Variants in BMPR2 observed in about 807,000 individuals in gnomAD.
BMPR2 encodes the protein bone morphogenetic protein receptor type-2.
Under a neutral mutation model 100.8 loss-of-function variants are expected in BMPR2, and 29 were observed. The ratio of observed to expected loss-of-function variants is 0.29; its 90% CI spans 0.21 to 0.39. The LOEUF is 0.39. Among genes scored for constraint, BMPR2 ranks in the 10% least tolerant of loss-of-function variants. BMPR2 has a pLI of 1.00. For missense variants in BMPR2, 1,011 were observed against 1,274.5 expected, an observed-to-expected ratio of 0.79 and a Z score of 3.15; for synonymous variants, 382 against 442.3, an observed-to-expected ratio of 0.86 and a Z score of 1.71.
chr2:202,377,029 T>G lies in BMPR2; in HGVS notation c.-446T>G. The G allele has an allele frequency of 2.1e-6, 1 of 467,176 alleles. No homozygotes were observed. The highest frequency in any genetic ancestry group is 2.0e-5 in the African/African-American group (1 of 49,938). 28.9% of individuals were successfully genotyped at this position (467,176 alleles called of 1,614,324 possible). ...CGGGCGCCGCCGCCGCCCGTCCGGC[T>G]TCGTCCTTCCCGGCAGTCGGGAACT... On this transcript the variant is annotated 5_prime_UTR_variant, in exon 1 of 13. Coordinates refer to ENST00000374580, the MANE Select transcript of BMPR2 (RefSeq NM_001204.7).
intron 3 of BMPR2, among the ~76,000 whole-genome samples, chr2:202,469,847 G>A (rs1425610023): frequency 2.0e-5 from 3 of 151,836 alleles, no homozygotes; most frequent in Non-Finnish European, 2.9e-5. Flanking sequence ...GATAAGGGGG[G>A]GAAAAAAAGC....
intron 5 of BMPR2, 129 bp from the exon 6 acceptor site, chr2:202,518,693 C>A (rs1382370706): frequency 8.4e-6 from 7 of 836,108 alleles, no homozygotes; most frequent in Non-Finnish European, 1.4e-5. Context: ...TTATTAATTT[C>A]TTGATAATGG....
chr2:202,486,397 G>A (rs1692778613), intron 3 of BMPR2, among the ~76,000 whole-genome samples: 8 of 152,152 alleles, frequency 5.3e-5, no homozygotes, highest in Admixed American at 5.2e-4. Flanking sequence ...GGTGGGGCAA[G>A]GCAAGCGGAT....
At chr2:202,494,874 T>G (rs1403269739) in intron 3 of BMPR2, among the ~76,000 whole-genome samples, 3 of 152,104 alleles carry the variant, frequency 2.0e-5, no homozygotes, top group Non-Finnish European at 2.9e-5. Flanking sequence ...GCTTGGAAAG[T>G]TTTTATTTGA....
intron 5 of BMPR2, among the ~76,000 whole-genome samples, chr2:202,517,436 T>C (rs886077542): frequency 5.3e-5 from 8 of 150,726 alleles, no homozygotes; most frequent in Admixed American, 2.0e-4. Context: ...TTCTCCAGCC[T>C]CAGCCTCTAT....
chr2:202,510,983 T>G lies in BMPR2; in HGVS notation c.419-2736T>G, dbSNP rs552851858. Among the ~76,000 whole-genome samples the G allele has an allele frequency of 1.4e-3, 127 of 93,688 alleles. 1 individual carries two copies. The East Asian group carries it at 0.019, about 14-fold the overall frequency. 61.5% of individuals were successfully genotyped at this position (93,688 alleles called of 152,430 possible). On this transcript the variant is annotated intron_variant, in intron 3 of 12. Transcript: ENST00000374580. ...AGTGAGCCACCGCACCTGGCTTTAG[T>G]TTTTTTTTTTTTTTTTTGATTGAAG... is the stretch of plus-strand genomic sequence containing the variant.
chr2:202,472,758 T>C (rs1328059049), intron 3 of BMPR2, among the ~76,000 whole-genome samples: 1 of 152,254 alleles, frequency 6.6e-6, no homozygotes, highest in Non-Finnish European at 1.5e-5. Context: ...TAGTTTAGTT[T>C]ACTATAACCT....
chr2:202,426,143 G>A (rs1461155938), intron 1 of BMPR2, among the ~76,000 whole-genome samples: 1 of 152,196 alleles, frequency 6.6e-6, no homozygotes, highest in Admixed American at 6.5e-5. Flanking sequence ...ATTAAATGCT[G>A]TGGCCAGAAG....
rs142438260 is a variant in BMPR2, at chr2:202,482,562, G to A, written c.418+14873G>A. ...CTAATTTTTTTTTTTTTTTTGAGAC[G>A]GAGTCTCACTGTGTCGCCCAGGCTG... On this transcript the variant is annotated intron_variant, in intron 3 of 12. Transcript: ENST00000374580. 3.0e-3 allele frequency among the ~76,000 whole-genome samples: 442 copies of A among 147,626 alleles called. 2 individuals carry two copies. The highest frequency in any genetic ancestry group is 0.011 in the African/African-American group (428 of 40,100).
intron 3 of BMPR2, among the ~76,000 whole-genome samples, chr2:202,486,740 T>C (rs1692786879): frequency 6.6e-6 from 1 of 152,176 alleles, no homozygotes; most frequent in African/African-American, 2.4e-5. Flanking sequence ...ATAAAGAACT[T>C]TAAGACTGGG....
intron 1 of BMPR2, among the ~76,000 whole-genome samples, chr2:202,384,544 C>CTT (rs1419059710): frequency 1.4e-5 from 1 of 74,058 alleles, no homozygotes; most frequent in African/African-American, 5.5e-5. Context: ...TTCTTTCTTT[C>CTT]TTTCTTTCTT....
rs1410392567 is a variant in BMPR2, at chr2:202,376,602, G to T, written c.-873G>T. ...ATTCGCTCACAGGAGCCATTGACGGGAGAAGAGGAGGCTTTCTTGGTGGAA... is the reference window on the plus strand; with the variant it reads ...ATTCGCTCACAGGAGCCATTGACGGTAGAAGAGGAGGCTTTCTTGGTGGAA... On this transcript the variant is annotated 5_prime_UTR_variant, in exon 1 of 13. Transcript: ENST00000374580. 7.1e-6 allele frequency among the ~76,000 whole-genome samples: 1 copy of T among 140,668 alleles called. No individual in the cohort carries two copies. The highest frequency in any genetic ancestry group is 2.6e-5 in the African/African-American group (1 of 38,290). The allele number at this position is 140,668 out of a possible 152,430, so 92.3% of individuals were successfully genotyped here. A position where few individuals can be genotyped will look rare whatever the true frequency, so the allele number is the denominator to read the frequency against.
At chr2:202,388,772 A>G (rs989843397) in intron 1 of BMPR2, among the ~76,000 whole-genome samples, 36 of 149,572 alleles carry the variant, frequency 2.4e-4, no homozygotes, top group Non-Finnish European at 4.4e-4. Flanking sequence ...TGGGCGACAC[A>G]GTGAGATTCA....
chr2:202,402,915 G>A (rs534324881), intron 1 of BMPR2, among the ~76,000 whole-genome samples: 9 of 151,176 alleles, frequency 6.0e-5, no homozygotes, highest in South Asian at 2.1e-4. Context: ...AGCAAATTCC[G>A]CCTCCCGGGT....
intron 1 of BMPR2, among the ~76,000 whole-genome samples, chr2:202,380,965 CTTTTTTTTTTTT>C (rs1159400445): frequency 5.2e-4 from 37 of 70,786 alleles, no homozygotes; most frequent in South Asian, 1.7e-3. Context: ...TTCTTTCTTT[CTTTTTTTTTTTT>C]TTTTTTTTTT....
At position 202,532,747 on chromosome 2, in the gene BMPR2, C is replaced by A. The variant is rs549033045; in HGVS notation, c.1276+15C>A. 2.5e-5 allele frequency: 40 copies of A among 1,609,378 alleles called. No homozygotes were observed. The highest frequency in any genetic ancestry group is 1.7e-4 in the Middle Eastern group (1 of 6,060). On this transcript the variant is annotated intron_variant, in intron 9 of 12. Coordinates refer to ENST00000374580, the MANE Select transcript of BMPR2 (RefSeq NM_001204.7). The surrounding 1 kb of genome is among the most constrained non-coding windows in gnomAD (Gnocchi z 4.1). The stretch of plus-strand genomic sequence containing the variant: ...CCTCTTCCCAGGTAAAAACTACTGT[C>A]AAAAGTTGATATTTTTTGAAGTGAA...
intron 1 of BMPR2, among the ~76,000 whole-genome samples, chr2:202,430,302 C>G (rs1259446347): frequency 6.6e-6 from 1 of 152,128 alleles, no homozygotes; most frequent in Non-Finnish European, 1.5e-5. Flanking sequence ...TAGCAGTATG[C>G]AGTATTTGTT....
intron 3 of BMPR2, among the ~76,000 whole-genome samples, chr2:202,508,752 T>A (rs1687572628): frequency 6.6e-6 from 1 of 152,224 alleles, no homozygotes; most frequent in Non-Finnish European, 1.5e-5. Context: ...GTAAGTTTTT[T>A]ATAATAAAAA....
chr2:202,505,114 C>G (rs1310367738), intron 3 of BMPR2: 1 of 161,960 alleles, frequency 6.2e-6, no homozygotes, highest in African/African-American at 2.4e-5. Context: ...GATAGGCCTA[C>G]TGAACCAAAG....
Sources: allele counts gnomAD v4.1 joint callset (sites outside exome capture counted in the v4.1 genomes callset), GRCh38; gene constraint gnomAD v4.1.1; non-coding constraint Gnocchi (gnomAD v3.1); transcripts MANE v1.5; gene names NCBI Gene and HGNC (gene_info 2026-07-23, HGNC 2026-07-21).